TRIM5: variants seen among roughly 807,000 people sequenced by gnomAD.
TRIM5 encodes the protein tripartite motif-containing protein 5.
A neutral mutation model predicts 35.6 loss-of-function variants in TRIM5; 31 were observed. The observed-to-expected ratio is 0.87, with a 90% CI of 0.65 to 1.18. TRIM5 has a LOEUF of 1.18. Ranked by LOEUF, TRIM5 falls within the 50% of genes most tolerant of loss-of-function variation. The probability of loss-of-function intolerance (pLI) is 0.00; values close to 1 mark genes in which losing one functional copy is unlikely to be tolerated. For missense variants in TRIM5, 609 were observed against 591.6 expected, an observed-to-expected ratio of 1.03 and a Z score of -0.31; for synonymous variants, 243 against 215.6, an observed-to-expected ratio of 1.13 and a Z score of -1.11.
the TRIM5 span, among the ~76,000 whole-genome samples, chr11:5,653,503 T>A: frequency 6.6e-6 from 1 of 151,064 alleles, no homozygotes; most frequent in South Asian, 2.1e-4. Context: ...TTTGTTTTTT[T>A]TTTTTTGAGA....
the TRIM5 span, among the ~76,000 whole-genome samples, chr11:5,627,127 C>A: frequency 5.3e-5 from 8 of 152,236 alleles, no homozygotes; most frequent in East Asian, 1.5e-3. Context: ...CCTGTAATCC[C>A]AGCACTGTGG....
chr11:5,663,055 A>G (rs1282117258), downstream of TRIM5: 1 of 192,720 alleles, frequency 5.2e-6, no homozygotes, highest in Non-Finnish European at 9.5e-6. Flanking sequence ...AACCCTGGAG[A>G]TGGAGGTTGC....
chr11:5,677,731 T>C (rs1178857733), intron 4 of TRIM5, among the ~76,000 whole-genome samples: 1 of 152,214 alleles, frequency 6.6e-6, no homozygotes. Flanking sequence ...GCCCAGCCTT[T>C]ACTAGTGAAT....
the TRIM5 span, chr11:5,633,877 GA>G: frequency 8.1e-6 from 13 of 1,614,070 alleles, 1 homozygote; most frequent in South Asian, 1.3e-4. Context: ...GCTGACATCA[GA>G]GAAGAGAAAA....
chr11:5,609,103 G>A, the TRIM5 span, among the ~76,000 whole-genome samples: 3 of 152,028 alleles, frequency 2.0e-5, no homozygotes, highest in African/African-American at 4.8e-5. Context: ...GAGCTCTGGA[G>A]GATAATAATT....
chr11:5,596,967 A>C, the TRIM5 span: 1 of 1,613,766 alleles, frequency 6.2e-7, no homozygotes, highest in Non-Finnish European at 8.5e-7. Context: ...GGCAGAGGTG[A>C]CAGGGCAGTG....
At chr11:5,616,783 A>T in the TRIM5 span, among the ~76,000 whole-genome samples, 1 of 136,316 alleles carries the variant, frequency 7.3e-6, no homozygotes, top group Non-Finnish European at 1.6e-5. Flanking sequence ...CCTGTTGCCC[A>T]TGCTGGAGTG....
At chr11:5,597,477 T>G in the TRIM5 span, among the ~76,000 whole-genome samples, 1 of 152,246 alleles carries the variant, frequency 6.6e-6, no homozygotes, top group Non-Finnish European at 1.5e-5. Context: ...ATTCAAATAT[T>G]TATTGAGTCC....
At chr11:5,620,156 TTTTC>T in the TRIM5 span, 1 of 143,736 alleles carries the variant, frequency 7.0e-6, no homozygotes, top group Non-Finnish European at 1.5e-5. Flanking sequence ...TTTTTTTTCC[TTTTC>T]TTTCTTCTTT....
the TRIM5 span, among the ~76,000 whole-genome samples, chr11:5,651,165 ATTTCCT>A: frequency 6.6e-6 from 1 of 152,330 alleles, no homozygotes; most frequent in African/African-American, 2.4e-5. Context: ...AGATGCAACA[ATTTCCT>A]TTTCACTTTA....
chr11:5,610,885 A>T, the TRIM5 span: 1 of 1,614,198 alleles, frequency 6.2e-7, no homozygotes, highest in Non-Finnish European at 8.5e-7. Flanking sequence ...TCCTGTCTGG[A>T]AAAGCATTAT....
chr11:5,642,108 C>A, the TRIM5 span, among the ~76,000 whole-genome samples: 1 of 152,088 alleles, frequency 6.6e-6, no homozygotes, highest in African/African-American at 2.4e-5. Context: ...TCGTTTTATC[C>A]AATTTTTTAT....
chr11:5,603,201 C>A, the TRIM5 span: 1 of 1,580,012 alleles, frequency 6.3e-7, no homozygotes, highest in Admixed American at 1.7e-5. Context: ...CTTATTCTCC[C>A]TCCTTTCTTA....
At chr11:5,657,599 A>AATATATATATAT in the TRIM5 span, among the ~76,000 whole-genome samples, 4 of 90,222 alleles carry the variant, frequency 4.4e-5, no homozygotes, top group African/African-American at 2.5e-4. Context: ...CATTATATAT[A>AATATATATATAT]ATATATATTT....
chr11:5,639,966 T>TGC, the TRIM5 span, among the ~76,000 whole-genome samples: 2 of 152,164 alleles, frequency 1.3e-5, no homozygotes, highest in East Asian at 1.9e-4. Flanking sequence ...GCATTTATCA[T>TGC]TTGTTTGTGT....
At chr11:5,666,184 C>A in intron 5 of TRIM5, 103 bp from the exon 6 acceptor site, 1 of 966,036 alleles carries the variant, frequency 1.0e-6, no homozygotes, top group South Asian at 1.5e-5. Flanking sequence ...CACTTGAACT[C>A]TCTTCTTGGG....
chr11:5,650,467 G>A, the TRIM5 span, among the ~76,000 whole-genome samples: 14 of 152,142 alleles, frequency 9.2e-5, no homozygotes, highest in East Asian at 1.9e-4. Flanking sequence ...CCTTCATATC[G>A]TACAGAACCA....
the TRIM5 span, chr11:5,605,387 G>T: frequency 6.2e-7 from 1 of 1,614,152 alleles, no homozygotes; most frequent in Non-Finnish European, 8.5e-7. Context: ...TTAATCAGCT[G>T]CGAAATATCC....
At chr11:5,661,214 T>C (rs1850814129), downstream of TRIM5, among the ~76,000 whole-genome samples, 1 of 152,016 alleles carries the variant, frequency 6.6e-6, no homozygotes. Flanking sequence ...GAAGGAGTAT[T>C]GGTTGCAATG....
Sources: gnomAD v4.1 joint callset for allele counts (sites outside exome capture counted in the v4.1 genomes callset) on GRCh38, gnomAD v4.1.1 for gene constraint, MANE v1.5 for transcripts, NCBI Gene and HGNC (gene_info 2026-07-23, HGNC 2026-07-21) for gene names.